SLC10A7: variants seen among roughly 807,000 people sequenced by gnomAD.
SLC10A7 encodes sodium/bile acid cotransporter 7.
Under a neutral mutation model 43.2 loss-of-function variants are expected in SLC10A7, and 29 were observed. The observed-to-expected ratio is 0.67, with a 90% CI of 0.50 to 0.92. The LOEUF (loss-of-function observed/expected upper bound fraction) is 0.92. Ranked by LOEUF, SLC10A7 falls within the 40% of genes least tolerant of loss-of-function variation. The probability of loss-of-function intolerance (pLI) is 0.00; values close to 1 mark genes in which losing one functional copy is unlikely to be tolerated. For synonymous variants in SLC10A7, 152 were observed against 144.8 expected (o/e 1.05, Z -0.35); for missense variants, 295 against 403.2 (o/e 0.73, Z 2.30).
chr4:146,494,646 T>G lies in SLC10A7; in HGVS notation c.396+9203A>C, dbSNP rs75066478. ...GAAGCAGAAGGAATTTGGAGATGAGTGGCCATCTCCACTCATCTTTTCTGT... is the reference window on the plus strand; with the variant it reads ...GAAGCAGAAGGAATTTGGAGATGAGGGGCCATCTCCACTCATCTTTTCTGT... On this transcript the variant is annotated intron_variant, in intron 4 of 11. Coordinates refer to ENST00000335472, the MANE Select transcript of SLC10A7 (RefSeq NM_001029998.6). Among the ~76,000 whole-genome samples the G allele has an allele frequency of 3.4e-4, 52 of 152,084 alleles. 1 individual carries two copies. Among genetic ancestry groups the G allele is most frequent in the African/African-American group, 1.2e-3 (49 of 41,468 alleles).
intron 5 of SLC10A7, among the ~76,000 whole-genome samples, chr4:146,387,033 C>A (rs1239600240): frequency 6.6e-6 from 1 of 152,184 alleles, no homozygotes; most frequent in Admixed American, 6.5e-5. Context: ...CTACTTCTGA[C>A]CTTTTAGCAA....
chr4:146,408,125 A>G (rs1393208774), intron 5 of SLC10A7, among the ~76,000 whole-genome samples: 4 of 152,144 alleles, frequency 2.6e-5, no homozygotes, highest in African/African-American at 9.7e-5. Flanking sequence ...TAACATATAA[A>G]AGGACAGAAA....
At chr4:146,425,967 A>T (rs774800386) in intron 5 of SLC10A7, among the ~76,000 whole-genome samples, 34 of 152,218 alleles carry the variant, frequency 2.2e-4, no homozygotes, top group Admixed American at 4.6e-4. Flanking sequence ...TTCTCTTGTG[A>T]ATTTAACCAT....
chr4:146,496,319 G>C (rs145127859), intron 4 of SLC10A7, among the ~76,000 whole-genome samples: 1 of 152,188 alleles, frequency 6.6e-6, no homozygotes, highest in Non-Finnish European at 1.5e-5. Context: ...ATGGTGTCTT[G>C]GCATACTGAG....
intron 4 of SLC10A7, among the ~76,000 whole-genome samples, chr4:146,497,648 C>T (rs1206458583): frequency 1.3e-5 from 2 of 152,214 alleles, no homozygotes; most frequent in Non-Finnish European, 1.5e-5. Context: ...GAAGACAATG[C>T]CTCTTTCCCA....
chr4:146,315,634 A>G (rs1169511481), intron 6 of SLC10A7, among the ~76,000 whole-genome samples: 1 of 152,120 alleles, frequency 6.6e-6, no homozygotes, highest in Admixed American at 6.6e-5. Flanking sequence ...TTGAAATATA[A>G]CTGTGAAATT....
At chr4:146,403,904 C>G (rs1026117773) in intron 5 of SLC10A7, among the ~76,000 whole-genome samples, 9 of 152,122 alleles carry the variant, frequency 5.9e-5, no homozygotes, top group Admixed American at 5.9e-4. Context: ...AGTACCAAGT[C>G]CATGATGGCT....
At chr4:146,263,092 C>A (rs1430122834) in intron 10 of SLC10A7, among the ~76,000 whole-genome samples, 4 of 152,244 alleles carry the variant, frequency 2.6e-5, no homozygotes, top group African/African-American at 7.2e-5. Context: ...GGCTTTGCAC[C>A]TGAGCTCTTT....
At chr4:146,453,380 A>C (rs1310295543) in intron 4 of SLC10A7, among the ~76,000 whole-genome samples, 1 of 151,994 alleles carries the variant, frequency 6.6e-6, no homozygotes, top group Non-Finnish European at 1.5e-5. Flanking sequence ...CACCAGAGAG[A>C]GCACATAAGC....
chr4:146,308,201 C>T (rs564655396), intron 6 of SLC10A7, among the ~76,000 whole-genome samples: 9 of 152,212 alleles, frequency 5.9e-5, no homozygotes, highest in South Asian at 2.1e-4. Context: ...TGAAGACAGA[C>T]GAGGTATGGC....
chr4:146,426,122 G>C (rs17021498), intron 5 of SLC10A7, among the ~76,000 whole-genome samples: 3,008 of 152,256 alleles, frequency 0.02, 90 homozygotes, highest in African/African-American at 0.069. Context: ...CACAAAATTA[G>C]TTTCTAAACA....
intron 5 of SLC10A7, among the ~76,000 whole-genome samples, chr4:146,384,344 T>C (rs1737840948): frequency 5.9e-5 from 9 of 152,130 alleles, no homozygotes; most frequent in Admixed American, 5.9e-4. Context: ...AAACATCATA[T>C]GGTCAAAAGA....
chr4:146,323,407 G>A (rs553849500), intron 6 of SLC10A7, among the ~76,000 whole-genome samples: 6 of 152,182 alleles, frequency 3.9e-5, no homozygotes, highest in African/African-American at 1.4e-4. Flanking sequence ...TATTGTATAC[G>A]GTGTAAGGAA....
chr4:146,426,738 G>A (rs886303260), intron 5 of SLC10A7, among the ~76,000 whole-genome samples: 4 of 152,088 alleles, frequency 2.6e-5, no homozygotes, highest in African/African-American at 7.2e-5. Flanking sequence ...AGCTGGGCAT[G>A]GTGGTATGCG....
chr4:146,275,116 G>A (rs944959467), intron 10 of SLC10A7, among the ~76,000 whole-genome samples: 1 of 152,182 alleles, frequency 6.6e-6, no homozygotes, highest in African/African-American at 2.4e-5. Flanking sequence ...TATGTTACAT[G>A]TGTCGGACAT....
At chr4:146,325,686 T>A (rs1733054704) in intron 6 of SLC10A7, among the ~76,000 whole-genome samples, 1 of 152,144 alleles carries the variant, frequency 6.6e-6, no homozygotes, top group Non-Finnish European at 1.5e-5. Flanking sequence ...GCAGCGCAGT[T>A]TTTGTAACCT....
chr4:146,460,135 T>C (rs1732408000), intron 4 of SLC10A7, among the ~76,000 whole-genome samples: 1 of 151,824 alleles, frequency 6.6e-6, no homozygotes, highest in African/African-American at 2.4e-5. Context: ...AAAATCACAA[T>C]GAGATAACAC....
At chr4:146,274,707 T>G (rs567100113) in intron 10 of SLC10A7, among the ~76,000 whole-genome samples, 1 of 152,186 alleles carries the variant, frequency 6.6e-6, no homozygotes, top group Non-Finnish European at 1.5e-5. Context: ...AACCATGGAA[T>G]GAGGAAGAAG....
intron 2 of SLC10A7, 127 bp from the exon 3 acceptor site, chr4:146,510,176 C>A: frequency 1.3e-6 from 1 of 779,598 alleles, no homozygotes; most frequent in Non-Finnish European, 1.9e-6. Flanking sequence ...AAATTTTTAT[C>A]TATAAGTATA....
Sources: gnomAD v4.1 joint callset for allele counts (sites outside exome capture counted in the v4.1 genomes callset) on GRCh38, gnomAD v4.1.1 for gene constraint, MANE v1.5 for transcripts, NCBI Gene and HGNC (gene_info 2026-07-23, HGNC 2026-07-21) for gene names.